The following MAD1L1 variants were observed in gnomAD, a reference collection of about 807,000 sequenced individuals.
MAD1L1 encodes the protein mitotic spindle assembly checkpoint protein MAD1.
In MAD1L1, 95 loss-of-function variants were observed where a neutral mutation model predicts 96.9. That is an observed-to-expected ratio of 0.98 (90% CI 0.83 to 1.16). The LOEUF is 1.16. Among genes scored for constraint, MAD1L1 ranks in the 50% most tolerant of loss-of-function variants. MAD1L1 has a pLI of 0.00. For missense variants in MAD1L1, 1,007 were observed against 954.4 expected, an observed-to-expected ratio of 1.06 and a Z score of -0.73; for synonymous variants, 473 against 396.6, an observed-to-expected ratio of 1.19 and a Z score of -2.29.
intron 12 of MAD1L1, among the ~76,000 whole-genome samples, chr7:2,052,597 G>A (rs548776147): frequency 6.6e-6 from 1 of 152,192 alleles, no homozygotes; most frequent in African/African-American, 2.4e-5. Context: ...ACGTTTATAA[G>A]TCCTTATATC....
At chr7:1,903,453 T>A (rs1176378993) in intron 17 of MAD1L1, among the ~76,000 whole-genome samples, 1 of 115,416 alleles carries the variant, frequency 8.7e-6, no homozygotes, top group East Asian at 2.8e-4. Context: ...GCAGCGAGGA[T>A]GCAGTGGGCT....
intron 18 of MAD1L1, among the ~76,000 whole-genome samples, chr7:1,883,392 C>T (rs1785809185): frequency 6.6e-6 from 1 of 152,218 alleles, no homozygotes; most frequent in Non-Finnish European, 1.5e-5. Context: ...GGGATGAGCT[C>T]CCTTTCCAGA....
At chr7:2,172,132 G>A (rs547530353) in intron 10 of MAD1L1, among the ~76,000 whole-genome samples, 2 of 152,244 alleles carry the variant, frequency 1.3e-5, no homozygotes, top group African/African-American at 4.8e-5. Flanking sequence ...GGGTGGCAGG[G>A]AGGACTGCTG....
intron 15 of MAD1L1, among the ~76,000 whole-genome samples, chr7:1,967,677 G>C (rs1337866550): frequency 2.0e-5 from 3 of 152,220 alleles, no homozygotes; most frequent in Admixed American, 6.5e-5. Context: ...CAGAGGACAC[G>C]AGGTGAGTCT....
At chr7:1,876,076 G>GC (rs1785372732) in intron 18 of MAD1L1, among the ~76,000 whole-genome samples, 1 of 152,142 alleles carries the variant, frequency 6.6e-6, no homozygotes, top group Admixed American at 6.5e-5. Flanking sequence ...GCCCCCCGCC[G>GC]TGGGGCTCTG....
At chr7:2,060,812 G>A (rs1163272121) in intron 12 of MAD1L1, among the ~76,000 whole-genome samples, 2 of 152,332 alleles carry the variant, frequency 1.3e-5, no homozygotes, top group Admixed American at 6.5e-5. Context: ...GTGTTTAGAA[G>A]AAAACCACTG....
At chr7:1,887,529 C>G (rs12673799) in intron 18 of MAD1L1, among the ~76,000 whole-genome samples, 102,356 of 143,940 alleles carry the variant, frequency 0.71, 35,744 homozygotes, top group African/African-American at 0.83. Context: ...GCGTGTGTGT[C>G]TGCATGTGGC....
chr7:1,998,689 G>A lies in MAD1L1; in HGVS notation c.1416+3376C>T, dbSNP rs974441200. On this transcript the variant is annotated intron_variant, in intron 14 of 18. Coordinates refer to ENST00000265854, the MANE Select transcript of MAD1L1 (RefSeq NM_001013836.2). ...GAAGGAAGCACCGACAGCCCTCAGG[G>A]CTGGGAACTAGGAAGGCTCTGGGTG... 6.6e-5 allele frequency among the ~76,000 whole-genome samples: 10 copies of A among 152,286 alleles called. No individual in the cohort carries two copies. In the East Asian group the frequency reaches 1.9e-3, roughly 29 times the overall value.
At chr7:1,910,865 G>A (rs905100388) in intron 17 of MAD1L1, among the ~76,000 whole-genome samples, 1 of 152,206 alleles carries the variant, frequency 6.6e-6, no homozygotes, top group African/African-American at 2.4e-5. Context: ...GCAGGGAGAG[G>A]GCTCCCTGTG....
intron 15 of MAD1L1, among the ~76,000 whole-genome samples, chr7:1,965,022 T>C (rs975231320): frequency 5.9e-5 from 9 of 152,196 alleles, no homozygotes; most frequent in Non-Finnish European, 1.3e-4. Flanking sequence ...CCAGTGGGCC[T>C]TGACCACCAC....
intron 18 of MAD1L1, among the ~76,000 whole-genome samples, chr7:1,835,117 C>CAAA (rs34734787): frequency 7.3e-6 from 1 of 137,426 alleles, no homozygotes; most frequent in Admixed American, 7.1e-5. Flanking sequence ...AGGCATTCCT[C>CAAA]AAAAAAAAAA....
chr7:1,951,290 G>A (rs1265183775), intron 16 of MAD1L1, among the ~76,000 whole-genome samples: 1 of 152,238 alleles, frequency 6.6e-6, no homozygotes, highest in Non-Finnish European at 1.5e-5. Context: ...GGTGGATGAA[G>A]GGCCTGAGGA....
chr7:2,191,372 T>C (rs1791707946), intron 10 of MAD1L1, among the ~76,000 whole-genome samples: 1 of 152,170 alleles, frequency 6.6e-6, no homozygotes, highest in South Asian at 2.1e-4. Context: ...ACATGGCCCT[T>C]TGGAAATTTC....
At chr7:1,940,077 G>C (rs13307423) in intron 16 of MAD1L1, 1 of 152,376 alleles carries the variant, frequency 6.6e-6, no homozygotes, top group African/African-American at 2.4e-5. Flanking sequence ...AGTGGAGATG[G>C]ACATGCTGAC....
At chr7:2,108,368 T>C (rs1787204360) in intron 11 of MAD1L1, among the ~76,000 whole-genome samples, 1 of 152,246 alleles carries the variant, frequency 6.6e-6, no homozygotes, top group Non-Finnish European at 1.5e-5. Context: ...GATGTTCTAC[T>C]GGAGGACAGA....
At position 1,857,225 on chromosome 7, in the gene MAD1L1, C is replaced by A. The variant is rs781222422; in HGVS notation, c.1998+40975G>T. Among the ~76,000 whole-genome samples the A allele has an allele frequency of 2.6e-5, 4 of 152,220 alleles. No individual in the cohort carries two copies. In the East Asian group the frequency reaches 7.7e-4, roughly 29 times the overall value. On this transcript the variant is annotated intron_variant, in intron 18 of 18. Coordinates refer to ENST00000265854, the MANE Select transcript of MAD1L1 (RefSeq NM_001013836.2). The stretch of plus-strand genomic sequence containing the variant: ...ACCTTCCCGAGGATTTCATCAGCAG[C>A]CCCACCAGGAGGCACGGCTGTCCCA...
chr7:2,104,406 G>C (rs1786979425), intron 11 of MAD1L1, among the ~76,000 whole-genome samples: 1 of 152,262 alleles, frequency 6.6e-6, no homozygotes, highest in Non-Finnish European at 1.5e-5. Flanking sequence ...ACGCAGTCTG[G>C]CATGTGGAGG....
At chr7:2,165,611 C>T (rs572675140) in intron 10 of MAD1L1, among the ~76,000 whole-genome samples, 3 of 137,318 alleles carry the variant, frequency 2.2e-5, no homozygotes, top group East Asian at 1.9e-4. Context: ...GGGGACTCTG[C>T]GCCGTGTTTC....
intron 11 of MAD1L1, among the ~76,000 whole-genome samples, chr7:2,096,539 T>A (rs1786498566): frequency 6.6e-6 from 1 of 151,680 alleles, no homozygotes; most frequent in Admixed American, 6.6e-5. Flanking sequence ...ATTCTGTGTG[T>A]GCATTGGGCA....
Sources: allele counts gnomAD v4.1 joint callset (sites outside exome capture counted in the v4.1 genomes callset), GRCh38; gene constraint gnomAD v4.1.1; transcripts MANE v1.5; gene names NCBI Gene and HGNC (gene_info 2026-07-23, HGNC 2026-07-21).